Variants in ENPP2 observed in about 807,000 individuals in gnomAD.
The protein encoded by ENPP2 is ectonucleotide pyrophosphatase/phosphodiesterase 2.
In ENPP2, 51 loss-of-function variants were observed where a neutral mutation model predicts 120.2. The ratio of observed to expected loss-of-function variants is 0.42; its 90% confidence interval spans 0.34 to 0.54. The LOEUF is 0.54. Among genes scored for constraint, ENPP2 ranks in the 20% least tolerant of loss-of-function variants. The pLI is 0.04. For missense variants in ENPP2, 920 were observed against 1,066.5 expected, an observed-to-expected ratio of 0.86 and a Z score of 1.91; for synonymous variants, 365 against 366.4, an observed-to-expected ratio of 1.00 and a Z score of 0.04.
chr8:119,591,799 C>A (rs1813524979), intron 12 of ENPP2, among the ~76,000 whole-genome samples: 1 of 152,030 alleles, frequency 6.6e-6, no homozygotes, highest in Admixed American at 6.6e-5. Flanking sequence ...ACAGTTAAAC[C>A]CTTAGGAAGA....
chr8:119,639,167 T>C (rs567780034), upstream of ENPP2, among the ~76,000 whole-genome samples: 2 of 152,302 alleles, frequency 1.3e-5, no homozygotes, highest in African/African-American at 4.8e-5. Flanking sequence ...CCGATAAAAA[T>C]GAAAACAGGG....
intron 9 of ENPP2, among the ~76,000 whole-genome samples, chr8:119,606,201 T>C (rs1289099888): frequency 2.6e-5 from 4 of 152,136 alleles, no homozygotes; most frequent in Non-Finnish European, 5.9e-5. Context: ...AAAAAATGAA[T>C]CCAAGTCACT....
At chr8:119,607,561 G>A (rs1563727058) in intron 9 of ENPP2, among the ~76,000 whole-genome samples, 2 of 152,014 alleles carry the variant, frequency 1.3e-5, no homozygotes, top group African/African-American at 4.8e-5. Flanking sequence ...TGTAATTCCA[G>A]CCACTTGGGA....
chr8:119,573,664 T>C (rs1812129586), intron 19 of ENPP2, among the ~76,000 whole-genome samples: 1 of 151,740 alleles, frequency 6.6e-6, no homozygotes. Flanking sequence ...ATACAAAAAT[T>C]AGCCAGGCAT....
At position 119,557,339 on chromosome 8, in the gene ENPP2, A is replaced by T. The variant is rs1051222963; in HGVS notation, c.*182T>A. 8.8e-6 allele frequency: 5 copies of T among 569,600 alleles called. No individual in the cohort carries two copies. The highest frequency in any genetic ancestry group is 7.7e-5 in the African/African-American group (4 of 52,146). The allele number at this position is 569,600 out of a possible 1,614,324, so 35.3% of individuals were successfully genotyped here. A position where few individuals can be genotyped will look rare whatever the true frequency, so the allele number is the denominator to read the frequency against. On this transcript the variant is annotated 3_prime_UTR_variant, in exon 25 of 25. Transcript: ENST00000075322. ...ATTTATTACAAGCTCTACTCAGAACACAAGGCTACCTAAATCAAGCATTAG... is the reference window on the plus strand; with the variant it reads ...ATTTATTACAAGCTCTACTCAGAACTCAAGGCTACCTAAATCAAGCATTAG...
chr8:119,585,927 GACACACACACAC>G (rs34249912), intron 15 of ENPP2, among the ~76,000 whole-genome samples: 2 of 146,224 alleles, frequency 1.4e-5, no homozygotes, highest in African/African-American at 2.5e-5. Context: ...GGATGAAAGA[GACACACACACAC>G]ACACACACAC....
intron 9 of ENPP2, among the ~76,000 whole-genome samples, chr8:119,603,037 A>G (rs16892855): frequency 0.037 from 5,613 of 152,264 alleles, 345 homozygotes; most frequent in African/African-American, 0.13. Context: ...TGTGTGCCAT[A>G]AAATGAGTCC....
At chr8:119,638,979 A>G (rs1392230962), upstream of ENPP2, 9 of 628,402 alleles carry the variant, frequency 1.4e-5, no homozygotes, top group Non-Finnish European at 2.5e-5. Context: ...GGCTTAAGCT[A>G]TCATCCCCCT....
In ENPP2 at chr8:119,593,820, T is replaced by C. The variant is rs765247246; in HGVS notation, c.1013A>G (p.Gln338Arg). The C allele has an allele frequency of 1.2e-6, 2 of 1,613,334 alleles. No homozygotes were observed. The highest frequency in any genetic ancestry group is 2.2e-5 in the South Asian group (2 of 91,068). The change falls in exon 12 of 25, where the codon CAA becomes CGA. Residue 338 changes from glutamine (Q) to arginine (R), a missense_variant. Transcript: ENST00000075322. ...TAGTTGTTTCAGTCCATCCATTAAT[T>C]GCCCCACAATTTTGTCGATTTCCCT... ...PLREIDKIVGQLMDGLKQLKL... is the reference protein window; with the variant it reads ...PLREIDKIVGRLMDGLKQLKL...
At chr8:119,572,184 G>A (rs1815054191) in intron 19 of ENPP2, 3 of 1,552,642 alleles carry the variant, frequency 1.9e-6, no homozygotes, top group Non-Finnish European at 2.6e-6. Context: ...ACCTTTTCTA[G>A]GTTCAAAATT....
chr8:119,661,910 A>C (rs1404528361), intron 1 of ENPP2, among the ~76,000 whole-genome samples: 3 of 152,154 alleles, frequency 2.0e-5, no homozygotes, highest in Admixed American at 6.6e-5. Flanking sequence ...TAATGAAATA[A>C]GCCAGGCACA....
intron 24 of ENPP2, among the ~76,000 whole-genome samples, chr8:119,558,416 G>A (rs560295017): frequency 4.7e-4 from 72 of 152,152 alleles, no homozygotes; most frequent in African/African-American, 1.5e-3. Flanking sequence ...AGGGAGGAGA[G>A]GAGGGAAGAA....
chr8:119,583,723 T>A lies in ENPP2; in HGVS notation c.1537A>T (p.Met513Leu), dbSNP rs1812910081. 6 of 1,535,856 alleles carry A rather than the reference T, an allele frequency of 3.9e-6. No homozygotes were observed. Among genetic ancestry groups the A allele is most frequent in the Non-Finnish European group, 5.4e-6 (6 of 1,110,554 alleles). Residue 513 changes from methionine (M) to leucine (L), a missense_variant, in exon 17 of 25, where the codon ATG becomes TTG. Met to Leu is a conservative substitution (Grantham distance 15). Coordinates refer to ENST00000075322, the MANE Select transcript of ENPP2 (RefSeq NM_001040092.3). ...GATTAAATGAGTGACTTACCACACATAACATTGTAAAGTTCAATGTTTTCA... is the reference window on the plus strand; with the variant it reads ...GATTAAATGAGTGACTTACCACACAAAACATTGTAAAGTTCAATGTTTTCA... Reference protein sequence around the residue: ...PFENIELYNVMCDLLGLKPAP... With the variant: ...PFENIELYNVLCDLLGLKPAP...
chr8:119,669,694 C>T (rs941588333), intron 1 of ENPP2, among the ~76,000 whole-genome samples: 2 of 152,204 alleles, frequency 1.3e-5, no homozygotes, highest in African/African-American at 2.4e-5. Flanking sequence ...TTGTCATGAA[C>T]CCACTGAAAG....
At chr8:119,560,311 G>A (rs916362195) in intron 24 of ENPP2, among the ~76,000 whole-genome samples, 6 of 152,096 alleles carry the variant, frequency 3.9e-5, no homozygotes, top group African/African-American at 7.2e-5. Context: ...CTCAGAGAAC[G>A]TATACCATGT....
intron 23 of ENPP2, among the ~76,000 whole-genome samples, chr8:119,563,297 T>A (rs758494800): frequency 1.3e-5 from 2 of 152,146 alleles, no homozygotes; most frequent in East Asian, 1.9e-4. Flanking sequence ...AATAGACCAA[T>A]GCAGTAGAAA....
At chr8:119,602,293 A>G (rs1338553621) in intron 9 of ENPP2, among the ~76,000 whole-genome samples, 1 of 152,064 alleles carries the variant, frequency 6.6e-6, no homozygotes, top group Admixed American at 6.5e-5. Context: ...CCCCGTCACT[A>G]CTAAAAATAC....
chr8:119,610,765 T>A (rs1815047021), intron 8 of ENPP2, among the ~76,000 whole-genome samples: 1 of 150,996 alleles, frequency 6.6e-6, no homozygotes, highest in South Asian at 2.1e-4. Context: ...CAGCCAGGAG[T>A]CGTGATAGGC....
At chr8:119,668,542 C>T (rs549503707) in intron 1 of ENPP2, among the ~76,000 whole-genome samples, 28 of 150,874 alleles carry the variant, frequency 1.9e-4, no homozygotes, top group Non-Finnish European at 2.5e-4. Flanking sequence ...AATTCTCCTT[C>T]CTCAGCCTCC....
Sources: allele counts gnomAD v4.1 joint callset (sites outside exome capture counted in the v4.1 genomes callset), GRCh38; gene constraint gnomAD v4.1.1; transcripts MANE v1.5; gene names NCBI Gene and HGNC (gene_info 2026-07-23, HGNC 2026-07-21).